Variants in TTC4 observed in about 807,000 individuals in gnomAD.
The protein encoded by TTC4 is hsp70/Hsp90 co-chaperone CNS1 homolog.
TTC4 carries 36 observed loss-of-function variants against 51.9 expected under a neutral mutation model. The observed-to-expected ratio is 0.69, with a 90% CI of 0.53 to 0.92. The LOEUF is 0.92. Ranked by LOEUF, TTC4 falls within the 40% of genes least tolerant of loss-of-function variation. TTC4 has a pLI of 0.00. For missense variants in TTC4, 399 were observed against 454.6 expected, an observed-to-expected ratio of 0.88 and a Z score of 1.11; for synonymous variants, 144 against 164.2, an observed-to-expected ratio of 0.88 and a Z score of 0.94.
chr1:54,737,552 C>G (rs936141130), intron 8 of TTC4, 30 bp from the exon 9 acceptor site: 1 of 1,609,430 alleles, frequency 6.2e-7, no homozygotes, highest in Non-Finnish European at 8.5e-7. Context: ...GCCTTTATCT[C>G]TGACTCTTGC....
chr1:54,729,701 A>G (rs1222417971), intron 6 of TTC4, among the ~76,000 whole-genome samples: 1 of 151,634 alleles, frequency 6.6e-6, no homozygotes, highest in African/African-American at 2.4e-5. Context: ...AAAGGAGAGA[A>G]TATCTGCTGG....
chr1:54,720,012 C>A (rs908462783), intron 3 of TTC4, among the ~76,000 whole-genome samples: 1 of 151,758 alleles, frequency 6.6e-6, no homozygotes, highest in Admixed American at 6.6e-5. Context: ...AATTCTCCCA[C>A]TTCTGCCTCC....
intron 8 of TTC4, among the ~76,000 whole-genome samples, chr1:54,734,958 A>G (rs753362569): frequency 6.6e-6 from 1 of 152,154 alleles, no homozygotes; most frequent in Non-Finnish European, 1.5e-5. Flanking sequence ...AGGTTTCACA[A>G]ATTCTTTATA....
chr1:54,727,208 A>G (rs1030148134), intron 5 of TTC4, among the ~76,000 whole-genome samples: 1 of 152,176 alleles, frequency 6.6e-6, no homozygotes, highest in African/African-American at 2.4e-5. Flanking sequence ...AAGCCCTCAC[A>G]TTTATGGGGA....
chr1:54,730,024 G>A (rs11800873), intron 6 of TTC4, among the ~76,000 whole-genome samples: 18,062 of 152,066 alleles, frequency 0.12, 1,766 homozygotes, highest in African/African-American at 0.26. Context: ...CCCAACCGGG[G>A]TAGGTTTTTT....
At chr1:54,720,881 T>C (rs1315516638) in intron 3 of TTC4, among the ~76,000 whole-genome samples, 5 of 152,192 alleles carry the variant, frequency 3.3e-5, no homozygotes, top group Non-Finnish European at 7.3e-5. Flanking sequence ...ATACTAGATA[T>C]TATTTGTCTA....
At chr1:54,731,936 C>T (rs1228021511) in intron 7 of TTC4, among the ~76,000 whole-genome samples, 1 of 152,052 alleles carries the variant, frequency 6.6e-6, no homozygotes, top group Non-Finnish European at 1.5e-5. Context: ...CATGCAACAC[C>T]ACAGTATTGT....
chr1:54,718,247 C>T (rs1282567800), intron 3 of TTC4, among the ~76,000 whole-genome samples: 1 of 152,032 alleles, frequency 6.6e-6, no homozygotes, highest in Admixed American at 6.5e-5. Context: ...GTGGTGCCTG[C>T]CTGTAGTCCT....
intron 8 of TTC4, 158 bp from the exon 9 acceptor site, chr1:54,737,424 G>T (rs76246289): frequency 5.2e-6 from 3 of 574,612 alleles, no homozygotes; most frequent in Non-Finnish European, 9.3e-6. Flanking sequence ...GTGGCATGGC[G>T]GGGGGGTACT....
At chr1:54,730,627 C>T (rs1331385672) in intron 6 of TTC4, among the ~76,000 whole-genome samples, 2 of 152,076 alleles carry the variant, frequency 1.3e-5, no homozygotes, top group Non-Finnish European at 2.9e-5. Context: ...CATGTCATTT[C>T]CCCTCATGTG....
rs751865079 is a variant in TTC4, at chr1:54,737,710, G to A, written c.1061+46G>A. ...GAGTAGATTGGGGAAGATGCTCAGT[G>A]TATTAGTCCATTTTCACACTGCTGA... On this transcript the variant is annotated intron_variant, in intron 9 of 9. Transcript: ENST00000371281. 8.9e-6 allele frequency: 14 copies of A among 1,571,974 alleles called. No homozygotes were observed. The South Asian group carries it at 1.6e-4, about 18-fold the overall frequency.
chr1:54,733,836 T>G lies in TTC4; in HGVS notation c.978+126T>G, dbSNP rs374764487. 101 of 610,860 alleles carry G rather than the reference T, an allele frequency of 1.7e-4. No homozygotes were observed. The East Asian group carries it at 2.5e-3, about 15-fold the overall frequency. The allele number at this position is 610,860 out of a possible 1,614,324, so 37.8% of individuals were successfully genotyped here. ...TTATAGTAAAATATACATGACATAA[T>G]ATTTACCATTTTAACCATTTTTAGG... is the stretch of plus-strand genomic sequence containing the variant. On this transcript the variant is annotated intron_variant, in intron 8 of 9. Transcript: ENST00000371281.
Position 54,721,338 on chromosome 1 carries a change from G to T in TTC4, c.469+98G>T, listed in dbSNP as rs947689025. 3 of 1,149,048 alleles carry T rather than the reference G, an allele frequency of 2.6e-6. No individual in the cohort carries two copies. The African/African-American group carries it at 4.7e-5, about 18-fold the overall frequency. 71.2% of individuals were successfully genotyped at this position (1,149,048 alleles called of 1,614,324 possible). ...CTTATTTTTGCAGTCTGGGTATTAAGTTCCTGTTCCTTATCAACAGCAACA... is the reference window on the plus strand; with the variant it reads ...CTTATTTTTGCAGTCTGGGTATTAATTTCCTGTTCCTTATCAACAGCAACA... On this transcript the variant is annotated intron_variant, in intron 4 of 9. Transcript: ENST00000371281.
intron 1 of TTC4, among the ~76,000 whole-genome samples, chr1:54,716,366 C>T (rs1188280023): frequency 1.3e-5 from 2 of 152,248 alleles, no homozygotes; most frequent in East Asian, 1.9e-4. Context: ...CATAAGGGCG[C>T]TCAATTAATG....
At chr1:54,721,094 C>G (rs1645738548) in intron 3 of TTC4, 69 bp from the exon 4 acceptor site, 1 of 1,440,846 alleles carries the variant, frequency 6.9e-7, no homozygotes, top group Non-Finnish European at 9.7e-7. Flanking sequence ...GTCTTTGTCA[C>G]TACATATAAA....
chr1:54,741,566 G>C lies in TTC4; in HGVS notation c.*53G>C, dbSNP rs536748609. 1.5e-4 allele frequency: 212 copies of C among 1,437,218 alleles called. No individual in the cohort carries two copies. Among genetic ancestry groups the C allele is most frequent in the Non-Finnish European group, 1.9e-4 (198 of 1,020,372 alleles). The allele number at this position is 1,437,218 out of a possible 1,614,324, so 89.0% of individuals were successfully genotyped here. A position where few individuals can be genotyped will look rare whatever the true frequency, so the allele number is the denominator to read the frequency against. On this transcript the variant is annotated 3_prime_UTR_variant, in exon 10 of 10. Coordinates refer to ENST00000371281, the MANE Select transcript of TTC4 (RefSeq NM_004623.5). ...CTTACCCTCCTCTGCTGGGAACCTA[G>C]CACACCTGAATCAGCTGGACATACT...
chr1:54,730,444 C>G (rs1271462393), intron 6 of TTC4, among the ~76,000 whole-genome samples: 1 of 152,120 alleles, frequency 6.6e-6, no homozygotes, highest in African/African-American at 2.4e-5. Context: ...ACAGCCCTGC[C>G]TATTTGTTTA....
chr1:54,736,491 C>T (rs1645946503), intron 8 of TTC4, among the ~76,000 whole-genome samples: 1 of 152,116 alleles, frequency 6.6e-6, no homozygotes, highest in Non-Finnish European at 1.5e-5. Context: ...CCACCTCAGT[C>T]TCCCAAGTAG....
intron 5 of TTC4, among the ~76,000 whole-genome samples, chr1:54,723,046 G>A (rs1340251421): frequency 6.6e-6 from 1 of 152,128 alleles, no homozygotes; most frequent in African/African-American, 2.4e-5. Context: ...ATTCAATGAT[G>A]GAACTCCGTA....
Sources: gnomAD v4.1 joint callset for allele counts (sites outside exome capture counted in the v4.1 genomes callset) on GRCh38, gnomAD v4.1.1 for gene constraint, MANE v1.5 for transcripts, NCBI Gene and HGNC (gene_info 2026-07-23, HGNC 2026-07-21) for gene names.